The following MEIS1 variants were observed in gnomAD, a reference collection of about 807,000 sequenced individuals.
MEIS1 encodes homeobox protein Meis1.
In MEIS1, 5 loss-of-function variants were observed where a neutral mutation model predicts 50.8. The ratio of observed to expected loss-of-function variants is 0.10; its 90% CI spans 0.05 to 0.21. The LOEUF is 0.21. Among genes scored for constraint, MEIS1 ranks in the 10% least tolerant of loss-of-function variants. MEIS1 has a pLI of 1.00. For missense variants in MEIS1, 318 were observed against 517.3 expected, an observed-to-expected ratio of 0.61 and a Z score of 3.74; for synonymous variants, 176 against 179.3, an observed-to-expected ratio of 0.98 and a Z score of 0.15.
intron 9 of MEIS1, among the ~76,000 whole-genome samples, chr2:66,560,607 G>T (rs1307637923): frequency 2.0e-5 from 3 of 150,532 alleles, no homozygotes; most frequent in Non-Finnish European, 4.4e-5. Flanking sequence ...AGAAAGAAAA[G>T]AAAAGAAAAT....
intron 8 of MEIS1, among the ~76,000 whole-genome samples, chr2:66,544,341 A>C (rs1031906766): frequency 6.6e-6 from 1 of 152,122 alleles, no homozygotes; most frequent in Non-Finnish European, 1.5e-5. Context: ...AGGATTTAAG[A>C]TATTGAAACA....
intron 7 of MEIS1, among the ~76,000 whole-genome samples, chr2:66,510,287 C>T (rs1399851741): frequency 1.3e-5 from 2 of 152,086 alleles, no homozygotes; most frequent in Non-Finnish European, 2.9e-5. Flanking sequence ...CTTGGTTATG[C>T]AAATAAAGAG....
intron 7 of MEIS1, among the ~76,000 whole-genome samples, chr2:66,481,613 C>G (rs1316420334): frequency 1.3e-5 from 2 of 152,084 alleles, no homozygotes; most frequent in African/African-American, 4.8e-5. Flanking sequence ...AATCCTGGTA[C>G]CTTGAGCATC....
chr2:66,540,148 T>C (rs564092173), intron 8 of MEIS1, among the ~76,000 whole-genome samples: 22 of 152,236 alleles, frequency 1.4e-4, no homozygotes, highest in African/African-American at 5.3e-4. Flanking sequence ...CAGCCCTTAC[T>C]CAGGGGGTTC....
At chr2:66,507,689 A>C (rs1348355684) in intron 7 of MEIS1, among the ~76,000 whole-genome samples, 1 of 152,200 alleles carries the variant, frequency 6.6e-6, no homozygotes, top group Non-Finnish European at 1.5e-5. Context: ...AAATGGAAGC[A>C]AGGCTTTGAC....
At chr2:66,473,397 A>AAAAAAAAAAAAAAATAT in intron 7 of MEIS1, among the ~76,000 whole-genome samples, 23 of 107,590 alleles carry the variant, frequency 2.1e-4, no homozygotes, top group African/African-American at 1.3e-3. Context: ...AAAAAAAAAA[A>AAAAAAAAAAAAAAATAT]ATATATATAT....
Position 66,573,236 on chromosome 2 carries a change from A to C in MEIS1, c.*2028A>C, listed in dbSNP as rs1675515674. ...CAATTTTCCAGAACAGCTGTACAAG[A>C]TTTCTGCATGGCAGCCGGCTAAATG... On this transcript the variant is annotated 3_prime_UTR_variant, in exon 13 of 13. Coordinates refer to ENST00000272369, the MANE Select transcript of MEIS1 (RefSeq NM_002398.3). The C allele has an allele frequency of 6.6e-6, 1 of 152,224 alleles. No individual in the cohort carries two copies. The allele number at this position is 152,224 out of a possible 1,614,324, so 9.4% of individuals were successfully genotyped here.
At chr2:66,452,022 T>C (rs561860442) in intron 6 of MEIS1, among the ~76,000 whole-genome samples, 1 of 151,872 alleles carries the variant, frequency 6.6e-6, no homozygotes, top group Non-Finnish European at 1.5e-5. Flanking sequence ...AATATATATA[T>C]AGAAAATTTG....
At chr2:66,556,751 C>T (rs1435783556) in intron 9 of MEIS1, among the ~76,000 whole-genome samples, 1 of 151,822 alleles carries the variant, frequency 6.6e-6, no homozygotes, top group East Asian at 1.9e-4. Context: ...TTGGAAAGGG[C>T]CGGGGAGTGG....
chr2:66,533,601 T>C (rs1393872030), intron 8 of MEIS1, among the ~76,000 whole-genome samples: 3 of 152,178 alleles, frequency 2.0e-5, no homozygotes, highest in African/African-American at 7.2e-5. Flanking sequence ...TCAAGAGAAG[T>C]TGTAGCTAAG....
At chr2:66,561,466 T>C (rs1223737750) in intron 9 of MEIS1, among the ~76,000 whole-genome samples, 1 of 151,958 alleles carries the variant, frequency 6.6e-6, no homozygotes, top group Non-Finnish European at 1.5e-5. Flanking sequence ...TATATATCAA[T>C]TATCATCTGT....
At chr2:66,494,625 C>CACCT (rs1673353620) in intron 7 of MEIS1, among the ~76,000 whole-genome samples, 1 of 152,198 alleles carries the variant, frequency 6.6e-6, no homozygotes, top group Non-Finnish European at 1.5e-5. Flanking sequence ...ATGGAAAATG[C>CACCT]ACCTACCTCT....
chr2:66,513,619 C>T (rs1195799218), intron 8 of MEIS1, among the ~76,000 whole-genome samples: 1 of 152,142 alleles, frequency 6.6e-6, no homozygotes, highest in Non-Finnish European at 1.5e-5. Flanking sequence ...AAGTTTCCTC[C>T]CTTCTCTTCT....
At chr2:66,559,505 A>G (rs1186391862) in intron 9 of MEIS1, among the ~76,000 whole-genome samples, 1 of 152,220 alleles carries the variant, frequency 6.6e-6, no homozygotes, top group Non-Finnish European at 1.5e-5. Flanking sequence ...GTTAGATTCA[A>G]TTTTATTGAC....
intron 9 of MEIS1, among the ~76,000 whole-genome samples, chr2:66,560,402 A>G (rs1675182931): frequency 6.6e-6 from 1 of 151,792 alleles, no homozygotes; most frequent in Non-Finnish European, 1.5e-5. Flanking sequence ...CCTGGGCAAC[A>G]TAGTGAAACC....
chr2:66,483,232 C>CTT (rs796234118), intron 7 of MEIS1, among the ~76,000 whole-genome samples: 1 of 109,622 alleles, frequency 9.1e-6, no homozygotes, highest in Admixed American at 9.4e-5. Context: ...TTTTTTTTGT[C>CTT]TTTTTTTTTT....
chr2:66,505,320 C>T (rs1264434218), intron 7 of MEIS1, among the ~76,000 whole-genome samples: 1 of 152,100 alleles, frequency 6.6e-6, no homozygotes, highest in Admixed American at 6.5e-5. Context: ...GCCTGAAGAT[C>T]CCTTGAGCCC....
intron 9 of MEIS1, among the ~76,000 whole-genome samples, chr2:66,563,429 G>GAC (rs895055921): frequency 6.6e-6 from 1 of 151,980 alleles, no homozygotes; most frequent in Non-Finnish European, 1.5e-5. Context: ...TGAACACACA[G>GAC]ACACACACAC....
intron 8 of MEIS1, among the ~76,000 whole-genome samples, chr2:66,534,258 G>C (rs538402459): frequency 2.0e-5 from 3 of 152,106 alleles, no homozygotes; most frequent in African/African-American, 7.2e-5. Flanking sequence ...TTTTTGGGCC[G>C]GGCGCAGTGG....
Sources: gnomAD v4.1 joint callset for allele counts (sites outside exome capture counted in the v4.1 genomes callset) on GRCh38, gnomAD v4.1.1 for gene constraint, MANE v1.5 for transcripts, NCBI Gene and HGNC (gene_info 2026-07-23, HGNC 2026-07-21) for gene names.